Variants in AMPD3 observed in about 807,000 individuals in gnomAD.
AMPD3 encodes the protein AMP deaminase 3.
AMPD3 carries 57 observed loss-of-function variants against 82.3 expected under a neutral mutation model. The ratio of observed to expected loss-of-function variants is 0.69; its 90% CI spans 0.56 to 0.86. The LOEUF (loss-of-function observed/expected upper bound fraction) is 0.86. Among genes scored for constraint, AMPD3 ranks in the 40% least tolerant of loss-of-function variants. AMPD3 has a pLI of 0.00. For missense variants in AMPD3, 870 were observed against 1,003.8 expected (o/e 0.87, Z 1.80); for synonymous variants, 381 against 394.7 (o/e 0.97, Z 0.41).
chr11:10,485,016 G>A lies in AMPD3; in HGVS notation c.786G>A (p.Leu262=). 6.2e-7 allele frequency: 1 copy of A among 1,613,794 alleles called. No individual in the cohort carries two copies. The highest frequency in any genetic ancestry group is 2.2e-5 in the East Asian group (1 of 44,882). The part of the protein sequence containing the change: ...ETYTVDMSHI[L]ALITDGPTKT... Reference sequence around the variant, plus strand: ...ACACGGTGGACATGAGCCACATCCTGGCTCTCATCACCGATGGCCCCACGT... The same window carrying A: ...ACACGGTGGACATGAGCCACATCCTAGCTCTCATCACCGATGGCCCCACGT... Residue 262 remains leucine (L), a synonymous_variant, in exon 5 of 15, where the codon CTG becomes CTA. Transcript: ENST00000396553.
At chr11:10,461,377 G>A in intron 1 of AMPD3, 138 bp from the exon 2 acceptor site, 21 of 1,597,198 alleles carry the variant, frequency 1.3e-5, no homozygotes, top group Non-Finnish European at 1.8e-5. Context: ...TGGCATGCTG[G>A]GTTTGGTCTG....
intron 14 of AMPD3, 140 bp downstream of exon 14, chr11:10,504,799 G>A (rs940633355): frequency 2.5e-5 from 21 of 825,276 alleles, no homozygotes; most frequent in Admixed American, 4.0e-5. Flanking sequence ...GAGAGAAGAC[G>A]CGGCAGCCTC....
At chr11:10,468,041 C>T (rs1339448344) in intron 2 of AMPD3, among the ~76,000 whole-genome samples, 1 of 152,190 alleles carries the variant, frequency 6.6e-6, no homozygotes. Flanking sequence ...AGGGAGCAAC[C>T]GGTACCAGCC....
rs770866014 is a variant in AMPD3 at position 10,482,130 on chromosome 11, A to G, written c.494A>G (p.Tyr165Cys). The G allele has an allele frequency of 1.2e-5, 19 of 1,614,052 alleles. No homozygotes were observed. The Admixed American group carries it at 3.2e-4, about 27-fold the overall frequency. The part of the protein sequence containing the change: ...LAKALMIREK[Y>C]ARLAYHRFPR... ...AAGGCCCTAATGATCCGGGAGAAGT[A>G]TGCGCGGCTCGCCTACCACCGCTTC... The change falls in exon 4 of 15, where the codon TAT becomes TGT. Residue 165 changes from tyrosine to cysteine, a missense_variant. Tyr to Cys is a radical substitution (Grantham distance 194, BLOSUM62 -2). Transcript: ENST00000396553.
chr11:10,494,577 G>C, intron 7 of AMPD3: 1 of 985,418 alleles, frequency 1.0e-6, no homozygotes, highest in South Asian at 4.7e-5. Flanking sequence ...CAAAATGTGA[G>C]TAGTGATAGG....
intron 2 of AMPD3, among the ~76,000 whole-genome samples, chr11:10,476,489 G>A (rs549157610): frequency 4.6e-5 from 7 of 151,580 alleles, no homozygotes; most frequent in African/African-American, 1.7e-4. Context: ...GTGTGTGTGT[G>A]TGGTTTTTTT....
In AMPD3 at chr11:10,495,700, A is replaced by G. The variant is rs1564854643; in HGVS notation, c.1397A>G (p.Asn466Ser). Residue 466 changes from asparagine to serine, a missense_variant, in exon 9 of 15, where the codon AAC becomes AGC. Physicochemically the swap from Asn to Ser is conservative, Grantham distance 46. Transcript: ENST00000396553. Reference sequence around the variant, plus strand: ...ATCCAGCACAAGGTCTACTCTCCCAACATGCGCTGGATCATCCAGGTGCCC... The same window carrying G: ...ATCCAGCACAAGGTCTACTCTCCCAGCATGCGCTGGATCATCCAGGTGCCC... ...WFIQHKVYSP[N>S]MRWIIQVPRI... 1 of 1,614,112 alleles carries G rather than the reference A, an allele frequency of 6.2e-7. No individual in the cohort carries two copies. Among genetic ancestry groups the G allele is most frequent in the Non-Finnish European group, 8.5e-7 (1 of 1,180,020 alleles).
intron 2 of AMPD3, among the ~76,000 whole-genome samples, chr11:10,472,091 ACACCATGGAATACTATG>A (rs1469832676): frequency 6.6e-6 from 1 of 152,240 alleles, no homozygotes; most frequent in African/African-American, 2.4e-5. Flanking sequence ...TGGCACATAT[ACACCATGGAATACTATG>A]CAGCCATAAA....
chr11:10,459,037 T>A (rs1028183497), intron 1 of AMPD3, among the ~76,000 whole-genome samples: 10 of 152,054 alleles, frequency 6.6e-5, no homozygotes, highest in Admixed American at 6.5e-4. Flanking sequence ...CCCTGTCACC[T>A]CCTTTGATGG....
At chr11:10,491,623 T>C (rs1310543422) in intron 6 of AMPD3, among the ~76,000 whole-genome samples, 2 of 152,166 alleles carry the variant, frequency 1.3e-5, no homozygotes, top group African/African-American at 4.8e-5. Context: ...GAATATTGTA[T>C]GGATTTGACA....
intron 10 of AMPD3, among the ~76,000 whole-genome samples, chr11:10,497,148 G>A (rs774606441): frequency 3.9e-5 from 6 of 152,080 alleles, no homozygotes; most frequent in Non-Finnish European, 7.4e-5. Flanking sequence ...CAGTGGGTGT[G>A]GGGGGATGGG....
intron 2 of AMPD3, chr11:10,478,120 G>A (rs1052320758): frequency 1.4e-4 from 135 of 985,332 alleles, no homozygotes; most frequent in Non-Finnish European, 1.6e-4. Flanking sequence ...CTGAGAGTTT[G>A]TGTTATCTGA....
chr11:10,501,105 G>A, intron 11 of AMPD3: 8 of 985,364 alleles, frequency 8.1e-6, no homozygotes, highest in Non-Finnish European at 9.6e-6. Flanking sequence ...GCCTTGGTTT[G>A]CCCATTTCCA....
At chr11:10,450,701 T>G, upstream of AMPD3, 1 of 1,066,116 alleles carries the variant, frequency 9.4e-7, no homozygotes, top group Non-Finnish European at 1.1e-6. Context: ...AAGTTTCCCG[T>G]TGGCGGCGCG....
chr11:10,450,949 A>G (rs1377282183), upstream of AMPD3: 2 of 1,449,418 alleles, frequency 1.4e-6, no homozygotes, highest in Non-Finnish European at 1.8e-6. Flanking sequence ...CTCAGTGCCC[A>G]GCAGCCCCGC....
intron 2 of AMPD3, among the ~76,000 whole-genome samples, chr11:10,472,984 A>G (rs1215822677): frequency 6.6e-6 from 1 of 152,102 alleles, no homozygotes; most frequent in Non-Finnish European, 1.5e-5. Flanking sequence ...AGCCTGGCTG[A>G]GGGAGGGAGA....
upstream of AMPD3, among the ~76,000 whole-genome samples, chr11:10,454,672 G>T (rs1848042499): frequency 1.3e-5 from 2 of 152,150 alleles, no homozygotes; most frequent in African/African-American, 2.4e-5. Context: ...TCCGGTTAAA[G>T]GTGCAGAATA....
Position 10,506,145 on chromosome 11 carries a change from G to C in AMPD3, c.*261G>C. 2 of 495,090 alleles carry C rather than the reference G, an allele frequency of 4.0e-6. No homozygotes were observed. The highest frequency in any genetic ancestry group is 6.5e-5 in the Admixed American group (2 of 30,560). 30.7% of individuals were successfully genotyped at this position (495,090 alleles called of 1,614,324 possible). ...TCTATACTTGTTCCTAATTTTCCAAGTATTTCTCTTGAAACTGCCAGTGCC... is the reference window on the plus strand; with the variant it reads ...TCTATACTTGTTCCTAATTTTCCAACTATTTCTCTTGAAACTGCCAGTGCC... On this transcript the variant is annotated 3_prime_UTR_variant, in exon 15 of 15. Transcript: ENST00000396553. This position sits in a 1 kb window ranked among gnomAD's most constrained non-coding sequence, Gnocchi z 4.1.
At position 10,478,645 on chromosome 11, in the gene AMPD3, C is replaced by A; in HGVS notation, c.341C>A (p.Thr114Asn). The change falls in exon 3 of 15, where the codon ACT becomes AAT. Residue 114 changes from threonine (T) to asparagine (N), a missense_variant. Thr to Asn is a moderately conservative substitution (Grantham distance 65). Coordinates refer to ENST00000396553, the MANE Select transcript of AMPD3 (RefSeq NM_001025389.2). ...PAMSPTTPVV[T>N]GATSLPTPAP... is the part of the protein sequence containing the mutation. ...ATGTCTCCCACAACCCCTGTGGTCA[C>A]TGGAGCCACTTCCCTGCCCACGCCA... 6.2e-7 allele frequency: 1 copy of A among 1,614,256 alleles called. No individual in the cohort carries two copies. The highest frequency in any genetic ancestry group is 2.2e-5 in the East Asian group (1 of 44,880).
Sources: gnomAD v4.1 joint callset for allele counts (sites outside exome capture counted in the v4.1 genomes callset) on GRCh38, gnomAD v4.1.1 for gene constraint, Gnocchi (gnomAD v3.1) non-coding constraint, MANE v1.5 for transcripts, NCBI Gene and HGNC (gene_info 2026-07-23, HGNC 2026-07-21) for gene names.